The following OTUD4 variants were observed in gnomAD, a reference collection of about 807,000 sequenced individuals.
OTUD4 encodes the protein OTU deubiquitinase 4, also known as OTU domain-containing protein 4.
A neutral mutation model predicts 130.4 loss-of-function variants in OTUD4; 24 were observed. The ratio of observed to expected loss-of-function variants is 0.18; its 90% confidence interval spans 0.13 to 0.26. The LOEUF (loss-of-function observed/expected upper bound fraction) is 0.26. Ranked by LOEUF, OTUD4 falls within the 10% of genes least tolerant of loss-of-function variation. The probability of loss-of-function intolerance (pLI) is 1.00; values close to 1 mark genes in which losing one functional copy is unlikely to be tolerated. For synonymous variants in OTUD4, 420 were observed against 472.5 expected (o/e 0.89, Z 1.44); for missense variants, 1,031 against 1,329.4 (o/e 0.78, Z 3.49).
chr4:145,148,577 G>A (rs902273421), intron 13 of OTUD4, among the ~76,000 whole-genome samples: 2 of 151,848 alleles, frequency 1.3e-5, no homozygotes, highest in Admixed American at 6.6e-5. Flanking sequence ...ATTCATAGGC[G>A]ATCAGAGTCA....
chr4:145,164,553 T>C (rs962815471), intron 4 of OTUD4, among the ~76,000 whole-genome samples: 1 of 152,128 alleles, frequency 6.6e-6, no homozygotes, highest in African/African-American at 2.4e-5. Context: ...GCTCCTCTAC[T>C]AGGCAAAAGT....
At position 145,171,540 on chromosome 4, in the gene OTUD4, A is replaced by G. The variant is rs1579288957; in HGVS notation, c.294+130T>C. ...TGCATAAAATGTGTAGGAAACGTTT[A>G]TAAGGAAATAGGATACACCGTCACT... On this transcript the variant is annotated intron_variant, in intron 3 of 20. Coordinates refer to ENST00000447906, the MANE Select transcript of OTUD4 (RefSeq NM_001366057.1). 1.3e-5 allele frequency: 7 copies of G among 551,242 alleles called. No homozygotes were observed. In the East Asian group the frequency reaches 1.9e-4, roughly 15 times the overall value. The allele number at this position is 551,242 out of a possible 1,614,324, so 34.1% of individuals were successfully genotyped here.
chr4:145,168,948 A>G (rs1168724720), intron 3 of OTUD4, among the ~76,000 whole-genome samples: 1 of 152,248 alleles, frequency 6.6e-6, no homozygotes, highest in East Asian at 1.9e-4. Context: ...AGATACATAC[A>G]CAGATTATTT....
chr4:145,174,563 A>G (rs1752332777), intron 2 of OTUD4, 98 bp downstream of exon 2: 1 of 701,752 alleles, frequency 1.4e-6, no homozygotes, highest in Non-Finnish European at 2.6e-6. Flanking sequence ...CATAACCCGC[A>G]TTAAGATCCA....
chr4:145,146,991 G>C (rs1467985835), intron 13 of OTUD4, among the ~76,000 whole-genome samples: 1 of 152,150 alleles, frequency 6.6e-6, no homozygotes, highest in African/African-American at 2.4e-5. Flanking sequence ...CAATTGCATA[G>C]ATAAGACTGC....
intron 10 of OTUD4, 28 bp downstream of exon 10, chr4:145,155,383 C>G (rs372150223): frequency 6.3e-7 from 1 of 1,577,084 alleles, no homozygotes; most frequent in African/African-American, 1.4e-5. Context: ...CAAGTAAAAT[C>G]TCTTCTTCTT....
At chr4:145,151,459 C>T (rs924036702) in intron 11 of OTUD4, among the ~76,000 whole-genome samples, 1 of 152,146 alleles carries the variant, frequency 6.6e-6, no homozygotes, top group Admixed American at 6.5e-5. Flanking sequence ...CATGGTCAAA[C>T]CCCATCTCTA....
intron 3 of OTUD4, among the ~76,000 whole-genome samples, chr4:145,170,602 G>A (rs1193568517): frequency 6.6e-6 from 1 of 152,156 alleles, no homozygotes; most frequent in Non-Finnish European, 1.5e-5. Flanking sequence ...TCCTATGATA[G>A]GGAAACTTTT....
At chr4:145,170,390 G>A (rs1475308344) in intron 3 of OTUD4, among the ~76,000 whole-genome samples, 2 of 152,196 alleles carry the variant, frequency 1.3e-5, no homozygotes, top group African/African-American at 2.4e-5. Context: ...TTCTGAATCT[G>A]CTTTGCTCAC....
intron 10 of OTUD4, among the ~76,000 whole-genome samples, chr4:145,153,753 C>T (rs1334534241): frequency 1.3e-5 from 2 of 152,212 alleles, no homozygotes; most frequent in African/African-American, 4.8e-5. Flanking sequence ...CAACCTCCCA[C>T]TTTTAGCAGT....
intron 5 of OTUD4, among the ~76,000 whole-genome samples, chr4:145,163,610 T>G (rs1751691690): frequency 6.6e-6 from 1 of 152,084 alleles, no homozygotes; most frequent in African/African-American, 2.4e-5. Context: ...AATTCAGTGT[T>G]TCTACTAAAA....
In OTUD4 at chr4:145,155,925, A is replaced by T. The variant is rs1212565407; in HGVS notation, c.690+11T>A. On this transcript the variant is annotated intron_variant, in intron 8 of 20. Coordinates refer to ENST00000447906, the MANE Select transcript of OTUD4 (RefSeq NM_001366057.1). ...AAGAACTACATTTAAAACCACTTTT[A>T]AAAAAAATACCTCATTGCCTGACAA... 8 of 1,563,638 alleles carry T rather than the reference A, an allele frequency of 5.1e-6. No homozygotes were observed. The African/African-American group carries it at 6.8e-5, about 13-fold the overall frequency.
intron 19 of OTUD4, among the ~76,000 whole-genome samples, chr4:145,140,424 A>T (rs1264844668): frequency 6.6e-6 from 1 of 152,200 alleles, no homozygotes. Flanking sequence ...ATATGCCATG[A>T]GCCAGTTACT....
chr4:145,160,658 C>T (rs1207571358), intron 6 of OTUD4, among the ~76,000 whole-genome samples: 3 of 152,106 alleles, frequency 2.0e-5, no homozygotes, highest in Admixed American at 2.0e-4. Context: ...ACTAAAAATA[C>T]ACAAATTACC....
chr4:145,142,845 C>A (rs1579245078), intron 17 of OTUD4, among the ~76,000 whole-genome samples: 1 of 152,210 alleles, frequency 6.6e-6, no homozygotes. Flanking sequence ...ATTTAACTTT[C>A]TCTACTCTTG....
At chr4:145,176,648 G>C (rs890815584) in intron 1 of OTUD4, among the ~76,000 whole-genome samples, 1 of 152,064 alleles carries the variant, frequency 6.6e-6, no homozygotes, top group African/African-American at 2.4e-5. Flanking sequence ...GCAGTGAGCC[G>C]AGATCGTGCC....
chr4:145,179,597 A>G (rs1752591911), intron 1 of OTUD4: 1 of 1,379,236 alleles, frequency 7.3e-7, no homozygotes, highest in Admixed American at 3.5e-5. Context: ...CAGGAGAGAG[A>G]CACCCCGTTA....
At chr4:145,158,399 G>A (rs1307817430) in intron 7 of OTUD4, among the ~76,000 whole-genome samples, 3 of 151,614 alleles carry the variant, frequency 2.0e-5, no homozygotes, top group South Asian at 2.1e-4. Context: ...GGAGAATGGC[G>A]TGAACCCAGA....
intron 11 of OTUD4, 29 bp downstream of exon 11, chr4:145,152,512 A>T: frequency 8.1e-7 from 1 of 1,241,406 alleles, no homozygotes; most frequent in Non-Finnish European, 1.2e-6. Flanking sequence ...AGGAGGCAGT[A>T]AATGCCTTAG....
Sources: allele counts gnomAD v4.1 joint callset (sites outside exome capture counted in the v4.1 genomes callset), GRCh38; gene constraint gnomAD v4.1.1; transcripts MANE v1.5; gene names NCBI Gene and HGNC (gene_info 2026-07-23, HGNC 2026-07-21).